The following RPIA variants were observed in gnomAD, a reference collection of about 807,000 sequenced individuals.
RPIA encodes the protein ribose 5-phosphate isomerase A.
RPIA carries 29 observed loss-of-function variants against 37.8 expected under a neutral mutation model. The observed-to-expected ratio is 0.77, with a 90% CI of 0.57 to 1.05. The LOEUF (loss-of-function observed/expected upper bound fraction) is 1.05, where lower values mean the gene tolerates loss of function less well. Among genes scored for constraint, RPIA ranks in the 50% least tolerant of loss-of-function variants. The pLI is 0.00. For synonymous variants in RPIA, 167 were observed against 157.0 expected, an observed-to-expected ratio of 1.06 and a Z score of -0.48; for missense variants, 385 against 413.6, an observed-to-expected ratio of 0.93 and a Z score of 0.60.
At chr2:88,749,887 G>C in intron 8 of RPIA, 94 bp from the exon 9 acceptor site, 2 of 795,580 alleles carry the variant, frequency 2.5e-6, no homozygotes, top group South Asian at 1.4e-5. Context: ...CCAATGCTGT[G>C]TATGACAGTT....
rs573115603 is a variant in RPIA at position 88,743,140 on chromosome 2, C to T, written c.838+5064C>T. 3.9e-5 allele frequency among the ~76,000 whole-genome samples: 6 copies of T among 152,252 alleles called. No individual in the cohort carries two copies. In the South Asian group the frequency reaches 1.2e-3, roughly 32 times the overall value. On this transcript the variant is annotated intron_variant, in intron 8 of 8. Coordinates refer to ENST00000283646, the MANE Select transcript of RPIA (RefSeq NM_144563.3). The stretch of plus-strand genomic sequence containing the variant: ...CAGTTCTCAGGGGGAATGCTTTCAA[C>T]TTTTCCCCTTTCAGTATAATACTGG...
chr2:88,728,311 G>A (rs1025870401), intron 3 of RPIA, among the ~76,000 whole-genome samples: 6 of 152,024 alleles, frequency 3.9e-5, no homozygotes, highest in Non-Finnish European at 8.8e-5. Flanking sequence ...AGAGTCTTAC[G>A]ATTTTAGATT....
At chr2:88,719,213 A>C (rs1260359987) in intron 3 of RPIA, among the ~76,000 whole-genome samples, 1 of 152,204 alleles carries the variant, frequency 6.6e-6, no homozygotes, top group African/African-American at 2.4e-5. Flanking sequence ...TAGTCAAGAC[A>C]CAGTTGACAA....
In RPIA at chr2:88,695,039, T is replaced by G. The variant is rs138873412; in HGVS notation, c.285+3056T>G. ...CTCGAGAGGACAGGGTTTGGAAGCT[T>G]CTGGAGAGCAGAACATGTGAAGGTC... is the stretch of plus-strand genomic sequence containing the variant. On this transcript the variant is annotated intron_variant, in intron 1 of 8. Transcript: ENST00000283646. Among the ~76,000 whole-genome samples the G allele has an allele frequency of 6.4e-3, 968 of 151,878 alleles. 8 individuals carry two copies. The highest frequency in any genetic ancestry group is 0.011 in the Non-Finnish European group (779 of 67,916).
chr2:88,739,512 T>C (rs1433137170), intron 8 of RPIA, among the ~76,000 whole-genome samples: 2 of 152,232 alleles, frequency 1.3e-5, no homozygotes, highest in Non-Finnish European at 2.9e-5. Flanking sequence ...ACTATTGTTA[T>C]TTTTAATTAA....
intron 3 of RPIA, among the ~76,000 whole-genome samples, chr2:88,718,998 G>A (rs1306226424): frequency 6.6e-6 from 1 of 152,092 alleles, no homozygotes; most frequent in Non-Finnish European, 1.5e-5. Context: ...GTTAATTACT[G>A]TTCTGCTTGA....
At chr2:88,748,098 A>AGTTACCCTATCTGGAGGCAGCCAGT (rs1177127084) in intron 8 of RPIA, among the ~76,000 whole-genome samples, 1 of 152,214 alleles carries the variant, frequency 6.6e-6, no homozygotes, top group Admixed American at 6.5e-5. Flanking sequence ...CCAACCAACT[A>AGTTACCCTATCTGGAGGCAGCCAGT]GTTACCCTAT....
At chr2:88,702,343 T>G (rs1192422194) in intron 3 of RPIA, among the ~76,000 whole-genome samples, 2 of 150,742 alleles carry the variant, frequency 1.3e-5, no homozygotes, top group South Asian at 4.1e-4. Flanking sequence ...TTTCCTATTG[T>G]GTTAGTCCAT....
At chr2:88,740,447 T>G (rs1243675676) in intron 8 of RPIA, among the ~76,000 whole-genome samples, 3 of 152,222 alleles carry the variant, frequency 2.0e-5, no homozygotes, top group Admixed American at 1.3e-4. Flanking sequence ...TTTCTTTTCC[T>G]GATTGAGTCC....
At chr2:88,713,099 A>AATATATATATATATATATAT (rs1553420187) in intron 3 of RPIA, among the ~76,000 whole-genome samples, 2 of 45,590 alleles carry the variant, frequency 4.4e-5, no homozygotes, top group African/African-American at 1.2e-4. Context: ...TGGATGTCTG[A>AATATATATATATATATATAT]ATATATATAT....
intron 3 of RPIA, among the ~76,000 whole-genome samples, chr2:88,708,780 G>A (rs1477594589): frequency 1.4e-5 from 2 of 146,082 alleles, no homozygotes; most frequent in East Asian, 4.0e-4. Context: ...TTTTTGAGAC[G>A]GAGTCTCGCT....
chr2:88,693,480 A>G (rs895285662), intron 1 of RPIA, among the ~76,000 whole-genome samples: 4 of 152,276 alleles, frequency 2.6e-5, no homozygotes, highest in African/African-American at 9.6e-5. Context: ...TTTCCTTAGC[A>G]TCCTAAGGAG....
intron 4 of RPIA, among the ~76,000 whole-genome samples, chr2:88,733,474 A>G (rs1573475464): frequency 6.6e-6 from 1 of 152,170 alleles, no homozygotes; most frequent in East Asian, 1.9e-4. Flanking sequence ...TCATGTGTTC[A>G]GCAGCTGTGA....
At chr2:88,718,789 A>C (rs1314657533) in intron 3 of RPIA, among the ~76,000 whole-genome samples, 4 of 152,192 alleles carry the variant, frequency 2.6e-5, no homozygotes, top group Non-Finnish European at 5.9e-5. Flanking sequence ...ATACTCCCCA[A>C]GTTTTATAGA....
chr2:88,691,984 G>T lies in RPIA; in HGVS notation c.285+1G>T, dbSNP rs778500612. On this transcript the variant is annotated splice_donor_variant, in intron 1 of 8. Coordinates refer to ENST00000283646, the MANE Select transcript of RPIA (RefSeq NM_144563.3). LOFTEE classifies it high-confidence loss of function. ...CGCGGCTGTGGAGAACCACGTGAGG[G>T]TGAGCACTTCGAAACGTGGGGCGCG... 10 of 1,585,880 alleles carry T rather than the reference G, an allele frequency of 6.3e-6. No individual in the cohort carries two copies. Among genetic ancestry groups the T allele is most frequent in the Non-Finnish European group, 8.6e-6 (10 of 1,167,558 alleles).
chr2:88,691,830 G>T lies in RPIA; in HGVS notation c.132G>T (p.Pro44=). 1 of 1,598,130 alleles carries T rather than the reference G, an allele frequency of 6.3e-7. No individual in the cohort carries two copies. The highest frequency in any genetic ancestry group is 8.5e-7 in the Non-Finnish European group (1 of 1,173,962). ...WDLPGSHVRL[P]GRAQSGTRGG... Reference sequence around the variant, plus strand: ...TCCCGGGTTCCCACGTGCGGCTGCCGGGGCGTGCACAGTCTGGGACCCGTG... The same window carrying T: ...TCCCGGGTTCCCACGTGCGGCTGCCTGGGCGTGCACAGTCTGGGACCCGTG... The change falls in exon 1 of 9, where the codon CCG becomes CCT. Residue 44 remains proline, a synonymous_variant. Coordinates refer to ENST00000283646, the MANE Select transcript of RPIA (RefSeq NM_144563.3).
intron 7 of RPIA, among the ~76,000 whole-genome samples, chr2:88,737,651 A>G (rs565058586): frequency 6.6e-6 from 1 of 152,362 alleles, no homozygotes; most frequent in African/African-American, 2.4e-5. Flanking sequence ...AGTAAGAACA[A>G]TGAACCAGAA....
At chr2:88,721,370 A>T (rs1673120008) in intron 3 of RPIA, among the ~76,000 whole-genome samples, 1 of 151,014 alleles carries the variant, frequency 6.6e-6, no homozygotes, top group Non-Finnish European at 1.5e-5. Flanking sequence ...ATAATTTAAA[A>T]AAAAGAAAAT....
chr2:88,709,673 G>C (rs1672939036), intron 3 of RPIA, among the ~76,000 whole-genome samples: 1 of 152,126 alleles, frequency 6.6e-6, no homozygotes, highest in African/African-American at 2.4e-5. Context: ...TGTCTCCTTT[G>C]TTAGCCATAT....
Sources: gnomAD v4.1 joint callset for allele counts (sites outside exome capture counted in the v4.1 genomes callset) on GRCh38, gnomAD v4.1.1 for gene constraint, MANE v1.5 for transcripts, NCBI Gene and HGNC (gene_info 2026-07-23, HGNC 2026-07-21) for gene names.